Variants in FCHO2 observed in about 807,000 individuals in gnomAD.
FCHO2 encodes FCH and mu domain containing endocytic adaptor 2.
Under a neutral mutation model 114.1 loss-of-function variants are expected in FCHO2, and 43 were observed. The ratio of observed to expected loss-of-function variants is 0.38; its 90% CI spans 0.30 to 0.49. The LOEUF is 0.49. Ranked by LOEUF, FCHO2 falls within the 20% of genes least tolerant of loss-of-function variation. The pLI is 0.97. For missense variants in FCHO2, 807 were observed against 950.4 expected (o/e 0.85, Z 1.98); for synonymous variants, 293 against 315.2 (o/e 0.93, Z 0.75).
rs558900734 is a variant in FCHO2 at position 72,996,805 on chromosome 5, C to T, written c.495+5941C>T. The stretch of plus-strand genomic sequence containing the variant: ...TCCATACCCCTCTCTGCAGCCTCTC[C>T]TGCCACTTAGGGCTGCCGTTCCCCC... On this transcript the variant is annotated intron_variant, in intron 5 of 25. Transcript: ENST00000430046. 172 of 697,426 alleles carry T rather than the reference C, an allele frequency of 2.5e-4. 3 individuals carry two copies. The highest frequency in any genetic ancestry group is 1.9e-3 in the African/African-American group (107 of 56,200). 43.2% of individuals were successfully genotyped at this position (697,426 alleles called of 1,614,324 possible). A position where few individuals can be genotyped will look rare whatever the true frequency, so the allele number is the denominator to read the frequency against.
At chr5:73,081,169 A>G (rs765772719) in intron 22 of FCHO2, among the ~76,000 whole-genome samples, 24 of 152,200 alleles carry the variant, frequency 1.6e-4, no homozygotes, top group African/African-American at 2.9e-4. Flanking sequence ...AAGAAAAAGT[A>G]TAGACTAAGG....
At chr5:73,050,274 CCT>C (rs1757279415) in intron 11 of FCHO2, among the ~76,000 whole-genome samples, 1 of 151,238 alleles carries the variant, frequency 6.6e-6, no homozygotes, top group Admixed American at 6.6e-5. Flanking sequence ...TCCCTCCCTC[CCT>C]CTCTGTTTAG....
At chr5:73,085,233 C>T (rs1743256134) in intron 24 of FCHO2, among the ~76,000 whole-genome samples, 1 of 152,084 alleles carries the variant, frequency 6.6e-6, no homozygotes, top group Admixed American at 6.5e-5. Context: ...CCTGTAGTGT[C>T]AGCTACTCGG....
chr5:73,073,990 G>A (rs541563799), intron 19 of FCHO2, among the ~76,000 whole-genome samples: 1 of 152,006 alleles, frequency 6.6e-6, no homozygotes, highest in Non-Finnish European at 1.5e-5. Context: ...GGTAAGAAGA[G>A]TGCGTTTGTG....
chr5:73,082,782 C>T lies in FCHO2; in HGVS notation c.2202C>T (p.Ala734=). 1 of 1,606,750 alleles carries T rather than the reference C, an allele frequency of 6.2e-7. No individual in the cohort carries two copies. The highest frequency in any genetic ancestry group is 1.7e-4 in the Middle Eastern group (1 of 6,050). The change falls in exon 24 of 26, where the codon GCC becomes GCT. Residue 734 remains alanine, a synonymous_variant. Coordinates refer to ENST00000430046, the MANE Select transcript of FCHO2 (RefSeq NM_138782.3). ...PAIWNAEQMK[A]FWKLSSISEK... is the part of the protein sequence containing the mutation. The stretch of plus-strand genomic sequence containing the variant: ...GCAGGAATGCAGAACAAATGAAAGC[C>T]TTTTGGAAATTGTCTAGTATTTCAG...
chr5:73,028,756 TTC>T (rs1756076168), intron 8 of FCHO2, among the ~76,000 whole-genome samples: 2 of 150,974 alleles, frequency 1.3e-5, no homozygotes, highest in South Asian at 4.2e-4. Context: ...GTTCAAGTGA[TTC>T]TCCTGCTTCA....
At chr5:72,956,346 G>A (rs1032104608) in intron 1 of FCHO2, among the ~76,000 whole-genome samples, 6 of 151,542 alleles carry the variant, frequency 4.0e-5, no homozygotes, top group Non-Finnish European at 8.8e-5. Context: ...CTGTCACCGC[G>A]GCCCGGGGGC....
Position 73,081,860 on chromosome 5 carries a change from T to C in FCHO2, c.2058T>C (p.Leu686=), listed in dbSNP as rs1743104660. 2 of 1,612,600 alleles carry C rather than the reference T, an allele frequency of 1.2e-6. No homozygotes were observed. ...AATGTAGTGCTAGCACCACAGATCT[T>C]AGAGTGGATTATAAATACAATCCAG... ...YWKCSASTTD[L]RVDYKYNPEA... Residue 686 remains leucine (L), a synonymous_variant, in exon 23 of 26, where the codon CTT becomes CTC. Transcript: ENST00000430046.
At chr5:73,003,229 G>T (rs1754538618) in intron 5 of FCHO2, among the ~76,000 whole-genome samples, 1 of 152,054 alleles carries the variant, frequency 6.6e-6, no homozygotes, top group African/African-American at 2.4e-5. Flanking sequence ...GCCCAGGCAG[G>T]TCTCGAACTC....
intron 22 of FCHO2, 89 bp downstream of exon 22, chr5:73,078,401 T>C (rs1742987035): frequency 8.3e-7 from 1 of 1,209,486 alleles, no homozygotes; most frequent in African/African-American, 1.6e-5. Flanking sequence ...CATAGCCAAG[T>C]GAGTTTTTTC....
intron 2 of FCHO2, among the ~76,000 whole-genome samples, chr5:72,974,991 G>T (rs966981797): frequency 6.6e-6 from 1 of 152,000 alleles, no homozygotes; most frequent in African/African-American, 2.4e-5. Context: ...ATGAAATTCG[G>T]GGTTGAAAAT....
intron 2 of FCHO2, among the ~76,000 whole-genome samples, chr5:72,981,457 G>A (rs904306605): frequency 1.3e-5 from 2 of 152,248 alleles, no homozygotes; most frequent in South Asian, 2.1e-4. Context: ...TCTTTGTGGT[G>A]TTCTCTATAT....
chr5:72,980,843 A>C (rs1220267073), intron 2 of FCHO2, among the ~76,000 whole-genome samples: 3 of 152,016 alleles, frequency 2.0e-5, no homozygotes, highest in African/African-American at 7.3e-5. Context: ...GTGTCTTTGC[A>C]TGTGAGATGG....
rs367801554 is a variant in FCHO2 at position 72,992,606 on chromosome 5, AAAG to A, written c.495+1746_495+1748del. On this transcript the variant is annotated intron_variant, in intron 5 of 25. Coordinates refer to ENST00000430046, the MANE Select transcript of FCHO2 (RefSeq NM_138782.3). Reference sequence around the variant, plus strand: ...TTGCCTGAAACTATAGATAGGGAGAAAAGAAGGCTCTTGGGTTGCTGACAAGAA... The same window carrying A: ...TTGCCTGAAACTATAGATAGGGAGAAAAGGCTCTTGGGTTGCTGACAAGAA... Among the ~76,000 whole-genome samples the A allele has an allele frequency of 3.7e-3, 571 of 152,318 alleles. 2 individuals are homozygous for A. Among genetic ancestry groups the A allele is most frequent in the African/African-American group, 0.013 (535 of 41,566 alleles).
intron 8 of FCHO2, among the ~76,000 whole-genome samples, chr5:73,028,711 C>T (rs1190236389): frequency 7.3e-6 from 1 of 136,692 alleles, no homozygotes; most frequent in East Asian, 2.2e-4. Context: ...AGTGCAGTGG[C>T]GCGATCTTGG....
chr5:73,018,021 T>C (rs1755399426), intron 8 of FCHO2, among the ~76,000 whole-genome samples: 1 of 152,168 alleles, frequency 6.6e-6, no homozygotes, highest in Non-Finnish European at 1.5e-5. Context: ...TATTAGTTAC[T>C]ATATCATGTT....
At chr5:72,995,036 G>A (rs1435827723) in intron 5 of FCHO2, among the ~76,000 whole-genome samples, 1 of 152,024 alleles carries the variant, frequency 6.6e-6, no homozygotes, top group Non-Finnish European at 1.5e-5. Context: ...CCTGGATGAC[G>A]CATAAGCTGT....
At chr5:73,021,765 AAATG>A (rs1244014019) in intron 8 of FCHO2, among the ~76,000 whole-genome samples, 2 of 152,190 alleles carry the variant, frequency 1.3e-5, no homozygotes, top group African/African-American at 2.4e-5. Flanking sequence ...TATTTTTGTT[AAATG>A]AATGAACAAA....
At position 72,989,458 on chromosome 5, in the gene FCHO2, A is replaced by T. The variant is rs747962037; in HGVS notation, c.157A>T (p.Met53Leu). 6.2e-7 allele frequency: 1 copy of T among 1,607,542 alleles called. No individual in the cohort carries two copies. The highest frequency in any genetic ancestry group is 1.1e-5 in the South Asian group (1 of 89,408). The change falls in exon 3 of 26, where the codon ATG becomes TTG. Residue 53 changes from methionine (M) to leucine (L), a missense_variant. Met to Leu is a conservative substitution (Grantham distance 15). Transcript: ENST00000430046. ...CATAGAGGAGGCATACTCCAGGTCA[A>T]TGACAAAACTAGCAAAATCTGCAAG... ...ATIEEAYSRS[M>L]TKLAKSASNY...
Sources: gnomAD v4.1 joint callset for allele counts (sites outside exome capture counted in the v4.1 genomes callset) on GRCh38, gnomAD v4.1.1 for gene constraint, MANE v1.5 for transcripts, NCBI Gene and HGNC (gene_info 2026-07-23, HGNC 2026-07-21) for gene names.